The following SGSH variants were observed in gnomAD, a reference collection of about 807,000 sequenced individuals.
SGSH encodes the protein N-sulfoglucosamine sulfohydrolase, also known as heparan sulfate sulfatase.
In SGSH, 48 loss-of-function variants were observed where a neutral mutation model predicts 51.0. The observed-to-expected ratio is 0.94, with a 90% CI of 0.75 to 1.20. SGSH has a LOEUF of 1.20. Among genes scored for constraint, SGSH ranks in the 50% most tolerant of loss-of-function variants. The probability of loss-of-function intolerance (pLI) is 0.00; values close to 1 mark genes in which losing one functional copy is unlikely to be tolerated. For missense variants in SGSH, 662 were observed against 717.8 expected (o/e 0.92, Z 0.89); for synonymous variants, 321 against 313.4 (o/e 1.02, Z -0.26).
chr17:80,204,548 C>T (rs1420569431), downstream of SGSH: 14 of 472,714 alleles, frequency 3.0e-5, no homozygotes, highest in Admixed American at 1.4e-4. Context: ...CGCCTGAACC[C>T]GGGAGGCAGA....
At position 80,213,815 on chromosome 17, in the gene SGSH, C is replaced by A. The variant is rs104894635; in HGVS notation, c.734G>T (p.Arg245Leu). 2.5e-6 allele frequency: 4 copies of A among 1,602,702 alleles called. No homozygotes were observed. Among genetic ancestry groups the A allele is most frequent in the Admixed American group, 1.7e-5 (1 of 58,392 alleles). ...TTCTGCAAGCCCACCTTGGTCCATG[C>A]GGCCGACGGTGGTGTACTGAGCGGC... is the stretch of plus-strand genomic sequence containing the variant. The part of the protein sequence containing the change: ...DLAAQYTTVG[R>L]MDQGVGLVLQ... The change falls in exon 6 of 8, where the codon CGC becomes CTC. Residue 245 changes from arginine (R) to leucine (L), a missense_variant. Coordinates refer to ENST00000326317, the MANE Select transcript of SGSH (RefSeq NM_000199.5). This position sits in a 1 kb window ranked among gnomAD's most constrained non-coding sequence, Gnocchi z 4.6.
rs1323958195 is a variant in SGSH, at chr17:80,210,736, G to A, written c.1225C>T (p.Gln409Ter). The change falls in exon 8 of 8, where the codon CAG (glutamine) becomes TAG (stop). Residue 409 changes from glutamine to a stop codon, truncating the protein, a stop_gained. Coordinates refer to ENST00000326317, the MANE Select transcript of SGSH (RefSeq NM_000199.5). LOFTEE classifies it high-confidence loss of function. ...DQDFYVSPTFQDLLNRTTAGQ... is the reference protein window; with the variant it reads ...DQDFYVSPTF ...GCTGTGGTGCGGTTCAGGAGGTCCT[G>A]GAAGGTGGGTGAGACGTAGAAGTCC... is the stretch of plus-strand genomic sequence containing the variant. 2 of 1,613,968 alleles carry A rather than the reference G, an allele frequency of 1.2e-6. No individual in the cohort carries two copies. Among genetic ancestry groups the A allele is most frequent in the East Asian group, 2.2e-5 (1 of 44,894 alleles).
chr17:80,205,485 C>T, downstream of SGSH: 1 of 1,564,840 alleles, frequency 6.4e-7, no homozygotes. Context: ...TCCCCCAGAC[C>T]CCCACACAGC....
rs1598745570 is a variant in SGSH, at chr17:80,213,401, C to T, written c.745+403G>A. On this transcript the variant is annotated intron_variant, in intron 6 of 7. Transcript: ENST00000326317. This position sits in a 1 kb window ranked among gnomAD's most constrained non-coding sequence, Gnocchi z 4.6. ...GCCCTGCTGACACCTTGATTTCAAA[C>T]TTCTGGCCTCCTGAACTGTGGGAGT... 8.7e-6 allele frequency: 2 copies of T among 228,878 alleles called. No homozygotes were observed. Among genetic ancestry groups the T allele is most frequent in the African/African-American group, 4.6e-5 (2 of 43,298 alleles). The allele number at this position is 228,878 out of a possible 1,614,324, so 14.2% of individuals were successfully genotyped here. A position where few individuals can be genotyped will look rare whatever the true frequency, so the allele number is the denominator to read the frequency against.
At chr17:80,202,354 C>G (rs747104642), downstream of SGSH, 1 of 1,613,394 alleles carries the variant, frequency 6.2e-7, no homozygotes, top group South Asian at 1.1e-5. Context: ...TGCTGGCATG[C>G]CCACCGCGTG....
At position 80,213,666 on chromosome 17, in the gene SGSH, G is replaced by C; in HGVS notation, c.745+138C>G. 1.3e-6 allele frequency: 1 copy of C among 793,440 alleles called. No individual in the cohort carries two copies. Among genetic ancestry groups the C allele is most frequent in the Non-Finnish European group, 2.1e-6 (1 of 484,686 alleles). The allele number at this position is 793,440 out of a possible 1,614,324, so 49.1% of individuals were successfully genotyped here. ...ACCCACAGGCCCCTCCTCTCAATGT[G>C]GGCTCTGCCAGCTGCAGCACAGGGC... is the stretch of plus-strand genomic sequence containing the variant. On this transcript the variant is annotated intron_variant, in intron 6 of 7. Transcript: ENST00000326317. This position sits in a 1 kb window ranked among gnomAD's most constrained non-coding sequence, Gnocchi z 4.6.
In SGSH at chr17:80,209,480, G is replaced by A. The variant is rs2041536356; in HGVS notation, c.*972C>T. On this transcript the variant is annotated 3_prime_UTR_variant, in exon 8 of 8. Transcript: ENST00000326317. ...AGGCCGGGCTTCTGCTCCCGAGGTGGGTGGAGGCAGGGCAGGAACGGCACA... is the reference window on the plus strand; with the variant it reads ...AGGCCGGGCTTCTGCTCCCGAGGTGAGTGGAGGCAGGGCAGGAACGGCACA... The A allele has an allele frequency of 3.0e-6, 3 of 985,422 alleles. No homozygotes were observed. The highest frequency in any genetic ancestry group is 3.6e-6 in the Non-Finnish European group (3 of 830,098). 61.0% of individuals were successfully genotyped at this position (985,422 alleles called of 1,614,324 possible).
downstream of SGSH, chr17:80,203,676 C>A (rs1173933085): frequency 1.7e-6 from 1 of 604,358 alleles, no homozygotes; most frequent in African/African-American, 1.9e-5. The surrounding 1 kb of genome is among the most constrained non-coding windows in gnomAD (Gnocchi z 4.6). Flanking sequence ...AGCGCTCCAG[C>A]CTGCAGCAAA....
intron 1 of SGSH, 45 bp downstream of exon 1, chr17:80,220,181 C>T (rs1414724087): frequency 6.9e-7 from 1 of 1,441,058 alleles, no homozygotes; most frequent in Non-Finnish European, 9.3e-7. Context: ...GGCCACTTCC[C>T]CGGGCCACCG....
At position 80,215,558 on chromosome 17, in the gene SGSH, C is replaced by T. The variant is rs183387399; in HGVS notation, c.250-420G>A. ...ACTGCCGGCCGGGCGTGGTGGCTCA[C>T]GCCTGTAATCCCGGCACTTTGGGAG... On this transcript the variant is annotated intron_variant, in intron 2 of 7. Coordinates refer to ENST00000326317, the MANE Select transcript of SGSH (RefSeq NM_000199.5). Among the ~76,000 whole-genome samples, 3 of 152,362 alleles carry T rather than the reference C, an allele frequency of 2.0e-5. No individual in the cohort carries two copies. The East Asian group carries it at 5.8e-4, about 29-fold the overall frequency.
intron 5 of SGSH, 60 bp downstream of exon 5, chr17:80,214,112 G>C: frequency 6.4e-7 from 1 of 1,557,250 alleles, no homozygotes; most frequent in African/African-American, 1.4e-5. Context: ...GCTCGTAGGA[G>C]GCCAGGGTCC....
downstream of SGSH, chr17:80,205,656 A>C: frequency 9.9e-7 from 1 of 1,008,480 alleles, no homozygotes; most frequent in Non-Finnish European, 1.4e-6. Context: ...GGAAAAGGTG[A>C]GGTCAAGGGC....
chr17:80,205,091 G>C (rs1567903410), downstream of SGSH: 1 of 1,613,204 alleles, frequency 6.2e-7, no homozygotes. Flanking sequence ...CTATACCCTG[G>C]TGCGGCCCCA....
At chr17:80,201,737 C>G, downstream of SGSH, 4 of 1,613,910 alleles carry the variant, frequency 2.5e-6, no homozygotes, top group Non-Finnish European at 3.4e-6. This position sits in a 1 kb window ranked among gnomAD's most constrained non-coding sequence, Gnocchi z 5.0. Flanking sequence ...TCTCGACTTG[C>G]CCTCAGGTTG....
the SGSH span, chr17:80,201,440 CTTTCTTTTCT>C: frequency 3.9e-4 from 145 of 369,748 alleles, no homozygotes; most frequent in African/African-American, 2.8e-3. The surrounding 1 kb of genome is among the most constrained non-coding windows in gnomAD (Gnocchi z 5.0). Context: ...AACCGAGGTT[CTTTCTTTTCT>C]TTTCTTTTCT....
chr17:80,202,444 T>C (rs766897955), downstream of SGSH: 1 of 1,603,908 alleles, frequency 6.2e-7, no homozygotes, highest in Non-Finnish European at 8.5e-7. Context: ...TCGAGCTCGG[T>C]GCGTCCCCAG....
At chr17:80,208,955 GCGT>G (rs2144654504), downstream of SGSH, 1 of 152,410 alleles carries the variant, frequency 6.6e-6, no homozygotes, top group South Asian at 2.1e-4. Flanking sequence ...TAAAGCCTCT[GCGT>G]GGTGGAGACG....
Position 80,220,080 on chromosome 17 carries a change from CAGAGAGGAGGACG to C in SGSH, c.88+133_88+145del, listed in dbSNP as rs2042087879. On this transcript the variant is annotated intron_variant, in intron 1 of 7. Transcript: ENST00000326317. ...ACCCGTGAAGAGTCTGGGGGCGGCA[CAGAGAGGAGGACG>C]AGAGGGAATGGCAGCGGGGGATACA... is the stretch of plus-strand genomic sequence containing the variant. 5 of 586,884 alleles carry C rather than the reference CAGAGAGGAGGACG, an allele frequency of 8.5e-6. No homozygotes were observed. The South Asian group carries it at 1.1e-4, about 13-fold the overall frequency. The allele number at this position is 586,884 out of a possible 1,614,324, so 36.4% of individuals were successfully genotyped here.
downstream of SGSH, chr17:80,203,683 CA>C (rs1183888969): frequency 8.1e-6 from 5 of 617,296 alleles, no homozygotes; most frequent in Non-Finnish European, 1.4e-5. This position sits in a 1 kb window ranked among gnomAD's most constrained non-coding sequence, Gnocchi z 4.6. Flanking sequence ...CAGCCTGCAG[CA>C]AAGGGATGTG....
Sources: allele counts gnomAD v4.1 joint callset (sites outside exome capture counted in the v4.1 genomes callset), GRCh38; gene constraint gnomAD v4.1.1; non-coding constraint Gnocchi (gnomAD v3.1); transcripts MANE v1.5; gene names NCBI Gene and HGNC (gene_info 2026-07-23, HGNC 2026-07-21).